ATP11B: variants seen among roughly 807,000 people sequenced by gnomAD.
ATP11B encodes the protein phospholipid-transporting ATPase IF.
Under a neutral mutation model 157.8 loss-of-function variants are expected in ATP11B, and 81 were observed. The ratio of observed to expected loss-of-function variants is 0.51; its 90% confidence interval spans 0.43 to 0.62. The LOEUF (loss-of-function observed/expected upper bound fraction) is 0.62. Ranked by LOEUF, ATP11B falls within the 20% of genes least tolerant of loss-of-function variation. The probability of loss-of-function intolerance (pLI) is 0.00; values close to 1 mark genes in which losing one functional copy is unlikely to be tolerated. For missense variants in ATP11B, 1,165 were observed against 1,402.2 expected, an observed-to-expected ratio of 0.83 and a Z score of 2.70; for synonymous variants, 451 against 469.4, an observed-to-expected ratio of 0.96 and a Z score of 0.51.
chr3:182,822,941 C>G (rs1440001912), intron 2 of ATP11B, among the ~76,000 whole-genome samples: 1 of 152,174 alleles, frequency 6.6e-6, no homozygotes, highest in African/African-American at 2.4e-5. Context: ...TGTTGATATC[C>G]TTTGCCCATG....
At chr3:182,825,722 C>G (rs74977998) in intron 2 of ATP11B, among the ~76,000 whole-genome samples, 1 of 89,658 alleles carries the variant, frequency 1.1e-5, no homozygotes, top group African/African-American at 3.8e-5. Context: ...GACTCTGTCT[C>G]AAAAAAAAAA....
intron 4 of ATP11B, among the ~76,000 whole-genome samples, chr3:182,833,326 A>G (rs907885599): frequency 6.6e-6 from 1 of 152,186 alleles, no homozygotes; most frequent in South Asian, 2.1e-4. Flanking sequence ...CAAAGGGCCT[A>G]TGTCCTTAAT....
intron 2 of ATP11B, among the ~76,000 whole-genome samples, chr3:182,823,955 C>CA (rs1325426769): frequency 2.0e-5 from 3 of 151,736 alleles, no homozygotes; most frequent in Admixed American, 6.6e-5. Context: ...TCCATTGCTT[C>CA]AAAAAAAATC....
chr3:182,918,143 T>C lies in ATP11B; in HGVS notation c.*39T>C, dbSNP rs767316996. The C allele has an allele frequency of 1.2e-6, 2 of 1,608,618 alleles. No individual in the cohort carries two copies. Among genetic ancestry groups the C allele is most frequent in the Non-Finnish European group, 1.7e-6 (2 of 1,177,604 alleles). On this transcript the variant is annotated 3_prime_UTR_variant, in exon 30 of 30. Coordinates refer to ENST00000323116, the MANE Select transcript of ATP11B (RefSeq NM_014616.3). ...CTTTGTGGGAGCCAGTTCACCTCCT[T>C]TCCTAAAATTCAGTGTGATCACCCT...
chr3:182,801,389 T>C (rs942788705), intron 1 of ATP11B, among the ~76,000 whole-genome samples: 1 of 152,212 alleles, frequency 6.6e-6, no homozygotes, highest in African/African-American at 2.4e-5. Flanking sequence ...ATGTTGTATA[T>C]ATGTAGCTTA....
At chr3:182,862,760 C>G (rs772664691) in intron 12 of ATP11B, among the ~76,000 whole-genome samples, 2 of 151,728 alleles carry the variant, frequency 1.3e-5, no homozygotes, top group Non-Finnish European at 2.9e-5. Context: ...ATCTTCCAAA[C>G]TTGTGTCAAT....
At chr3:182,825,095 C>T (rs1197411988) in intron 2 of ATP11B, among the ~76,000 whole-genome samples, 1 of 152,312 alleles carries the variant, frequency 6.6e-6, no homozygotes, top group African/African-American at 2.4e-5. Flanking sequence ...TTCCAGACTG[C>T]ATTGTTTTCT....
intron 8 of ATP11B, among the ~76,000 whole-genome samples, chr3:182,845,151 C>A (rs1577011371): frequency 2.0e-5 from 3 of 152,198 alleles, no homozygotes; most frequent in African/African-American, 7.2e-5. Context: ...ACTACAGGCG[C>A]ATGCCGCCAC....
At chr3:182,833,199 T>A (rs964904626) in intron 4 of ATP11B, among the ~76,000 whole-genome samples, 1 of 152,164 alleles carries the variant, frequency 6.6e-6, no homozygotes, top group Non-Finnish European at 1.5e-5. Context: ...AATCAGTTAA[T>A]CTACTGGTGT....
intron 9 of ATP11B, among the ~76,000 whole-genome samples, chr3:182,846,606 A>G (rs1188653122): frequency 6.6e-6 from 1 of 152,238 alleles, no homozygotes; most frequent in Non-Finnish European, 1.5e-5. Flanking sequence ...TAAGCAAAAT[A>G]TGGTATATCC....
intron 2 of ATP11B, among the ~76,000 whole-genome samples, chr3:182,826,656 A>G (rs1386611423): frequency 6.6e-6 from 1 of 152,214 alleles, no homozygotes; most frequent in Non-Finnish European, 1.5e-5. Context: ...ACTCAGGGAA[A>G]ATATGTTTCA....
intron 9 of ATP11B, among the ~76,000 whole-genome samples, chr3:182,847,298 CA>C (rs1166432677): frequency 2.6e-5 from 4 of 152,168 alleles, no homozygotes; most frequent in African/African-American, 9.7e-5. Context: ...CTTGGCCTCC[CA>C]AAGTGATGGG....
intron 8 of ATP11B, chr3:182,843,377 T>C (rs891990131): frequency 3.9e-5 from 6 of 152,220 alleles, no homozygotes; most frequent in African/African-American, 1.4e-4. Flanking sequence ...GCTGCTTTTT[T>C]GCACTCCTTA....
At chr3:182,902,433 C>G (rs1441563684) in intron 28 of ATP11B, 3 of 1,146,588 alleles carry the variant, frequency 2.6e-6, no homozygotes, top group Non-Finnish European at 3.5e-6. Flanking sequence ...GTGATGAATA[C>G]AGCTCACTGA....
chr3:182,840,928 AC>A (rs1718961725), intron 7 of ATP11B, among the ~76,000 whole-genome samples: 1 of 152,168 alleles, frequency 6.6e-6, no homozygotes, highest in East Asian at 1.9e-4. Flanking sequence ...GTAGTGGCTC[AC>A]CATGTCACTC....
At chr3:182,866,552 G>T in intron 14 of ATP11B, 109 bp downstream of exon 14, 2 of 918,664 alleles carry the variant, frequency 2.2e-6, no homozygotes, top group Non-Finnish European at 3.0e-6. Flanking sequence ...ATTTTAAGTT[G>T]TCAGAATTCA....
At chr3:182,821,492 G>A (rs76908096) in intron 2 of ATP11B, among the ~76,000 whole-genome samples, 5,298 of 152,204 alleles carry the variant, frequency 0.035, 313 homozygotes, top group African/African-American at 0.12. Flanking sequence ...ATTTTATGGT[G>A]CCAAAGTACA....
chr3:182,795,864 A>G (rs1019766011), intron 1 of ATP11B, among the ~76,000 whole-genome samples: 3 of 152,200 alleles, frequency 2.0e-5, no homozygotes, highest in African/African-American at 7.2e-5. Flanking sequence ...GGCTTAATGG[A>G]TTGAATCACC....
chr3:182,795,602 T>C (rs1272369247), intron 1 of ATP11B, among the ~76,000 whole-genome samples: 1 of 152,218 alleles, frequency 6.6e-6, no homozygotes, highest in African/African-American at 2.4e-5. Flanking sequence ...AAAAATGCTA[T>C]CTCTGACATT....
Sources: allele counts gnomAD v4.1 joint callset (sites outside exome capture counted in the v4.1 genomes callset), GRCh38; gene constraint gnomAD v4.1.1; transcripts MANE v1.5; gene names NCBI Gene and HGNC (gene_info 2026-07-23, HGNC 2026-07-21).